The following NOX4 variants were observed in gnomAD, a reference collection of about 807,000 sequenced individuals.
The protein encoded by NOX4 is NADPH oxidase 4.
A neutral mutation model predicts 87.6 loss-of-function variants in NOX4; 69 were observed. The observed-to-expected ratio is 0.79, with a 90% CI of 0.65 to 0.96. The LOEUF is 0.96. Ranked by LOEUF, NOX4 falls within the 40% of genes least tolerant of loss-of-function variation. The pLI, the probability that NOX4 is intolerant of heterozygous loss-of-function variation, is 0.00. For synonymous variants in NOX4, 275 were observed against 238.2 expected (o/e 1.15, Z -1.42); for missense variants, 680 against 681.5 (o/e 1.00, Z 0.02).
At chr11:89,330,242 A>G (rs960521405) in intron 17 of NOX4, among the ~76,000 whole-genome samples, 9 of 152,062 alleles carry the variant, frequency 5.9e-5, no homozygotes, top group African/African-American at 9.7e-5. Flanking sequence ...CCAGCTACTC[A>G]GGAAACTGAG....
chr11:89,371,634 T>C (rs930714325), intron 12 of NOX4, among the ~76,000 whole-genome samples: 13 of 151,812 alleles, frequency 8.6e-5, no homozygotes, highest in Non-Finnish European at 1.6e-4. Flanking sequence ...TATATTGGGA[T>C]TCTCACCAGA....
At chr11:89,498,308 T>C (rs1190888716), upstream of NOX4, 3 of 152,194 alleles carry the variant, frequency 2.0e-5, no homozygotes, top group African/African-American at 4.8e-5. Flanking sequence ...CTTAGAAAAG[T>C]ATAGTAAAAA....
At chr11:89,490,191 AT>A (rs1361507442) in intron 2 of NOX4, among the ~76,000 whole-genome samples, 1 of 152,256 alleles carries the variant, frequency 6.6e-6, no homozygotes, top group South Asian at 2.1e-4. Flanking sequence ...ATAAGTAGCA[AT>A]TTTTTTAAGG....
chr11:89,447,200 ACT>A (rs1389608469), intron 4 of NOX4, among the ~76,000 whole-genome samples: 1 of 152,004 alleles, frequency 6.6e-6, no homozygotes, highest in Non-Finnish European at 1.5e-5. Context: ...TTTACACAAA[ACT>A]CTCTGTGTCA....
At position 89,466,795 on chromosome 11, in the gene NOX4, C is replaced by A. The variant is rs182651196; in HGVS notation, c.154-14900G>T. Among the ~76,000 whole-genome samples the A allele has an allele frequency of 3.1e-3, 477 of 152,180 alleles. 2 individuals are homozygous for A. Among genetic ancestry groups the A allele is most frequent in the African/African-American group, 9.5e-3 (393 of 41,498 alleles). The stretch of plus-strand genomic sequence containing the variant: ...AATCAGATCTAAATGGGAAGATCAG[C>A]AAGCCTTCCTTGATTAATGAAAAGT... On this transcript the variant is annotated intron_variant, in intron 2 of 17. Coordinates refer to ENST00000263317, the MANE Select transcript of NOX4 (RefSeq NM_016931.5).
chr11:89,339,425 G>A (rs1405524731), intron 15 of NOX4, among the ~76,000 whole-genome samples: 2 of 152,164 alleles, frequency 1.3e-5, no homozygotes, highest in Non-Finnish European at 2.9e-5. Flanking sequence ...CATAGATTAG[G>A]TAGGGAAGGT....
intron 7 of NOX4, among the ~76,000 whole-genome samples, chr11:89,427,129 C>T (rs1185986293): frequency 2.6e-5 from 4 of 152,192 alleles, no homozygotes; most frequent in Admixed American, 2.6e-4. Context: ...AGTGGACCTC[C>T]AGCAAACTCC....
chr11:89,339,670 G>T (rs757499909), intron 15 of NOX4, among the ~76,000 whole-genome samples: 4 of 152,098 alleles, frequency 2.6e-5, no homozygotes, highest in Non-Finnish European at 4.4e-5. Flanking sequence ...GGCAATCAAG[G>T]GTAAGTGCTA....
At chr11:89,514,142 G>C in the NOX4 span, among the ~76,000 whole-genome samples, 20 of 151,690 alleles carry the variant, frequency 1.3e-4, no homozygotes, top group Non-Finnish European at 2.7e-4. Context: ...ATGATCATGG[G>C]GTGGGTTTTC....
intron 11 of NOX4, among the ~76,000 whole-genome samples, chr11:89,392,256 C>T (rs999816154): frequency 6.6e-6 from 1 of 151,994 alleles, no homozygotes; most frequent in Non-Finnish European, 1.5e-5. Context: ...CACTTCTGAA[C>T]CTGAATCTTC....
intron 13 of NOX4, among the ~76,000 whole-genome samples, chr11:89,352,107 G>T (rs1464719126): frequency 6.6e-6 from 1 of 152,150 alleles, no homozygotes; most frequent in Non-Finnish European, 1.5e-5. Flanking sequence ...AGACTTGAAA[G>T]GTTGCAGGGG....
intron 11 of NOX4, among the ~76,000 whole-genome samples, chr11:89,377,442 G>A (rs1939935437): frequency 6.6e-6 from 1 of 152,088 alleles, no homozygotes; most frequent in Non-Finnish European, 1.5e-5. Flanking sequence ...AACAGATCTG[G>A]AGAAATACGT....
At chr11:89,521,089 C>A in the NOX4 span, among the ~76,000 whole-genome samples, 2 of 152,070 alleles carry the variant, frequency 1.3e-5, no homozygotes, top group Non-Finnish European at 2.9e-5. Flanking sequence ...TTGCAAAAAT[C>A]AGTATTGTTA....
the NOX4 span, among the ~76,000 whole-genome samples, chr11:89,562,367 A>G: frequency 2.6e-5 from 4 of 152,024 alleles, no homozygotes; most frequent in Non-Finnish European, 4.4e-5. Flanking sequence ...TTGTTAGATA[A>G]TAAAACTATG....
intron 11 of NOX4, among the ~76,000 whole-genome samples, chr11:89,383,680 T>G (rs181850945): frequency 3.1e-4 from 47 of 152,240 alleles, no homozygotes; most frequent in African/African-American, 1.1e-3. Context: ...GATGCCAACT[T>G]GGACAACATT....
chr11:89,402,034 A>G (rs1941886556), intron 9 of NOX4, among the ~76,000 whole-genome samples: 1 of 152,114 alleles, frequency 6.6e-6, no homozygotes, highest in Non-Finnish European at 1.5e-5. Context: ...AGCTTTTCTC[A>G]AATGATGGGA....
chr11:89,378,039 A>G (rs1939982242), intron 11 of NOX4, among the ~76,000 whole-genome samples: 1 of 152,184 alleles, frequency 6.6e-6, no homozygotes, highest in African/African-American at 2.4e-5. Flanking sequence ...TCTTGCCAGC[A>G]TTCAATCACC....
the NOX4 span, among the ~76,000 whole-genome samples, chr11:89,509,462 A>T: frequency 6.6e-6 from 1 of 152,072 alleles, no homozygotes; most frequent in Non-Finnish European, 1.5e-5. Context: ...TCTTCAGTCC[A>T]GTGCTGCCCC....
chr11:89,545,434 G>A, the NOX4 span: 1 of 151,966 alleles, frequency 6.6e-6, no homozygotes, highest in Non-Finnish European at 1.5e-5. Flanking sequence ...AACCTCTGCA[G>A]ATTATAAAAA....
Sources: gnomAD v4.1 joint callset for allele counts (sites outside exome capture counted in the v4.1 genomes callset) on GRCh38, gnomAD v4.1.1 for gene constraint, MANE v1.5 for transcripts, NCBI Gene and HGNC (gene_info 2026-07-23, HGNC 2026-07-21) for gene names.